TGFA: variants seen among roughly 807,000 people sequenced by gnomAD.
The protein encoded by TGFA is transforming growth factor alpha, also known as protransforming growth factor alpha.
Under a neutral mutation model 21.7 loss-of-function variants are expected in TGFA, and 12 were observed. The observed-to-expected ratio is 0.55, with a 90% CI of 0.35 to 0.90. The LOEUF (loss-of-function observed/expected upper bound fraction) is 0.90. TGFA is among the 40% of genes least tolerant of loss of function. TGFA has a pLI of 0.01. For missense variants in TGFA, 178 were observed against 210.8 expected (o/e 0.84, Z 0.96); for synonymous variants, 79 against 88.1 (o/e 0.90, Z 0.58).
chr2:70,474,360 T>A (rs1553493804), intron 2 of TGFA, among the ~76,000 whole-genome samples: 1 of 152,244 alleles, frequency 6.6e-6, no homozygotes, highest in Non-Finnish European at 1.5e-5. Context: ...TAGGATGCTA[T>A]TCAAGTCCAG....
In TGFA at chr2:70,547,830, T is replaced by C. The variant is rs1244781226; in HGVS notation, c.40+5898A>G. Among the ~76,000 whole-genome samples the C allele has an allele frequency of 2.0e-5, 3 of 147,794 alleles. No homozygotes were observed. The Admixed American group carries it at 2.0e-4, about 10-fold the overall frequency. On this transcript the variant is annotated intron_variant, in intron 1 of 5. Coordinates refer to ENST00000295400, the MANE Select transcript of TGFA (RefSeq NM_003236.4). ...ATACTATCTATATATATACTATCTA[T>C]AGATATATATAGAGATATATATATC...
At chr2:70,472,774 T>G (rs1300107662) in intron 2 of TGFA, among the ~76,000 whole-genome samples, 2 of 152,252 alleles carry the variant, frequency 1.3e-5, no homozygotes, top group African/African-American at 4.8e-5. Flanking sequence ...CTTCCCCAGA[T>G]GTCAAAAGTT....
At chr2:70,511,185 C>A (rs1672087471) in intron 2 of TGFA, among the ~76,000 whole-genome samples, 1 of 152,212 alleles carries the variant, frequency 6.6e-6, no homozygotes, top group Non-Finnish European at 1.5e-5. Context: ...TATCTTGCAT[C>A]CGTTATTATT....
intron 2 of TGFA, among the ~76,000 whole-genome samples, chr2:70,497,296 A>G (rs191072023): frequency 3.3e-5 from 5 of 152,350 alleles, no homozygotes; most frequent in Admixed American, 2.6e-4. Flanking sequence ...GAGATGCAGT[A>G]TTGGGTTTGC....
intron 2 of TGFA, among the ~76,000 whole-genome samples, chr2:70,511,941 G>A (rs1329729156): frequency 1.3e-5 from 2 of 149,532 alleles, no homozygotes; most frequent in Non-Finnish European, 3.0e-5. Context: ...TTGCTACAAT[G>A]ACGGGCAGTG....
At chr2:70,483,537 A>G (rs1671187358) in intron 2 of TGFA, among the ~76,000 whole-genome samples, 2 of 152,168 alleles carry the variant, frequency 1.3e-5, no homozygotes, top group Non-Finnish European at 2.9e-5. Context: ...TTTATTTCAT[A>G]TTTACTATGT....
rs1553488905 is a variant in TGFA, at chr2:70,447,639, A to C, written c.*3220T>G. On this transcript the variant is annotated 3_prime_UTR_variant, in exon 6 of 6. Transcript: ENST00000295400. Reference sequence around the variant, plus strand: ...TAAGAAGAGGAGTTGCTTTTTCAGTACTCTCTCTCTCTCTGTGTGAACCAC... The same window carrying C: ...TAAGAAGAGGAGTTGCTTTTTCAGTCCTCTCTCTCTCTCTGTGTGAACCAC... The C allele has an allele frequency of 6.6e-6, 1 of 151,680 alleles. No homozygotes were observed. Among genetic ancestry groups the C allele is most frequent in the Non-Finnish European group, 1.5e-5 (1 of 67,840 alleles). The allele number at this position is 151,680 out of a possible 1,614,324, so 9.4% of individuals were successfully genotyped here.
At chr2:70,508,812 T>C (rs1450299756) in intron 2 of TGFA, among the ~76,000 whole-genome samples, 4 of 152,216 alleles carry the variant, frequency 2.6e-5, no homozygotes, top group African/African-American at 7.2e-5. Flanking sequence ...ATTTTATTGA[T>C]GGCAGAACGG....
rs1669954703 is a variant in TGFA, at chr2:70,448,545, G to A, written c.*2314C>T. On this transcript the variant is annotated 3_prime_UTR_variant, in exon 6 of 6. Coordinates refer to ENST00000295400, the MANE Select transcript of TGFA (RefSeq NM_003236.4). The stretch of plus-strand genomic sequence containing the variant: ...TGGAGTATTTTTGCAGCTAACCAAA[G>A]ACTACCATTGCCATTAAATGGCAGA... The A allele has an allele frequency of 6.6e-6, 1 of 152,226 alleles. No individual in the cohort carries two copies. Among genetic ancestry groups the A allele is most frequent in the Non-Finnish European group, 1.5e-5 (1 of 68,052 alleles). The allele number at this position is 152,226 out of a possible 1,614,324, so 9.4% of individuals were successfully genotyped here.
chr2:70,495,630 G>A (rs1321070891), intron 2 of TGFA, among the ~76,000 whole-genome samples: 1 of 151,928 alleles, frequency 6.6e-6, no homozygotes, highest in Non-Finnish European at 1.5e-5. Context: ...ATTTCTACTT[G>A]GTCTATAGTC....
chr2:70,526,812 G>C (rs960110950), intron 1 of TGFA, among the ~76,000 whole-genome samples: 7 of 152,188 alleles, frequency 4.6e-5, no homozygotes, highest in African/African-American at 1.7e-4. Flanking sequence ...GGATGGTTTA[G>C]TTCTAGCAAG....
At chr2:70,477,552 GACT>G (rs1173840091) in intron 2 of TGFA, among the ~76,000 whole-genome samples, 1 of 152,216 alleles carries the variant, frequency 6.6e-6, no homozygotes, top group Non-Finnish European at 1.5e-5. Flanking sequence ...TGAGAATAGA[GACT>G]ACATTTCCCA....
In TGFA at chr2:70,545,190, GA is replaced by G. The variant is rs1673257261; in HGVS notation, c.40+8537del. 3.9e-5 allele frequency among the ~76,000 whole-genome samples: 6 copies of G among 151,990 alleles called. No homozygotes were observed. In the South Asian group the frequency reaches 1.2e-3, roughly 32 times the overall value. On this transcript the variant is annotated intron_variant, in intron 1 of 5. Transcript: ENST00000295400. ...TTAAAAATTGTAAAAATGTTGGAAGGAGACCAAGGAGATGAAGGACACGAAG... is the reference window on the plus strand; with the variant it reads ...TTAAAAATTGTAAAAATGTTGGAAGGGACCAAGGAGATGAAGGACACGAAG...
At chr2:70,489,248 G>T (rs1330478813) in intron 2 of TGFA, among the ~76,000 whole-genome samples, 2 of 152,232 alleles carry the variant, frequency 1.3e-5, no homozygotes, top group African/African-American at 2.4e-5. Flanking sequence ...GTTAGAAAAA[G>T]GTGGGCGTTG....
At chr2:70,511,971 G>T (rs1470463590) in intron 2 of TGFA, among the ~76,000 whole-genome samples, 17 of 151,658 alleles carry the variant, frequency 1.1e-4, no homozygotes. Context: ...GGTGGGAGTT[G>T]GTCCCCAGTT....
At chr2:70,492,388 T>C (rs1671461870) in intron 2 of TGFA, among the ~76,000 whole-genome samples, 1 of 152,220 alleles carries the variant, frequency 6.6e-6, no homozygotes, top group Non-Finnish European at 1.5e-5. Flanking sequence ...CCCTGACATC[T>C]TCTCAGCTGG....
At chr2:70,456,561 T>C in intron 3 of TGFA, 73 bp from the exon 4 acceptor site, 1 of 1,503,272 alleles carries the variant, frequency 6.7e-7, no homozygotes, top group South Asian at 1.3e-5. Flanking sequence ...AGGGAGGGCT[T>C]TCCTGGAGGG....
chr2:70,540,285 C>G (rs556156479), intron 1 of TGFA, among the ~76,000 whole-genome samples: 50 of 152,324 alleles, frequency 3.3e-4, no homozygotes, highest in African/African-American at 1.1e-3. Context: ...CCTTAATTTT[C>G]TAGTGCAATA....
chr2:70,457,373 G>A, intron 3 of TGFA, among the ~76,000 whole-genome samples: 1 of 152,036 alleles, frequency 6.6e-6, no homozygotes, highest in East Asian at 1.9e-4. Flanking sequence ...TTCTTTTACA[G>A]GCATCCCCTC....
Sources: allele counts gnomAD v4.1 joint callset (sites outside exome capture counted in the v4.1 genomes callset), GRCh38; gene constraint gnomAD v4.1.1; transcripts MANE v1.5; gene names NCBI Gene and HGNC (gene_info 2026-07-23, HGNC 2026-07-21).